The following THBS2 variants were observed in gnomAD, a reference collection of about 807,000 sequenced individuals.
THBS2 encodes the protein thrombospondin-2.
Under a neutral mutation model 135.2 loss-of-function variants are expected in THBS2, and 47 were observed. The ratio of observed to expected loss-of-function variants is 0.35; its 90% confidence interval spans 0.28 to 0.44. The LOEUF is 0.44. Among genes scored for constraint, THBS2 ranks in the 20% least tolerant of loss-of-function variants. The probability of loss-of-function intolerance (pLI) is 1.00; values close to 1 mark genes in which losing one functional copy is unlikely to be tolerated. For missense variants in THBS2, 1,288 were observed against 1,603.1 expected (o/e 0.80, Z 3.36); for synonymous variants, 639 against 633.8 (o/e 1.01, Z -0.12).
chr6:169,238,698 C>T (rs973080549), intron 7 of THBS2, among the ~76,000 whole-genome samples: 3 of 152,214 alleles, frequency 2.0e-5, no homozygotes, highest in African/African-American at 7.2e-5. Context: ...TCAGAAAAAT[C>T]CCATTTTATT....
In THBS2 at chr6:169,248,499, T is replaced by C. The variant is rs1467587353; in HGVS notation, c.527A>G (p.Asp176Gly). 1 of 1,613,876 alleles carries C rather than the reference T, an allele frequency of 6.2e-7. No individual in the cohort carries two copies. Among genetic ancestry groups the C allele is most frequent in the African/African-American group, 1.3e-5 (1 of 74,926 alleles). ...CTGCAGGTGCTCGTAGAAGGGCTCGTCCAGAGCGAAGCTGTCTATGAGGTC... is the reference window on the plus strand; with the variant it reads ...CTGCAGGTGCTCGTAGAAGGGCTCGCCCAGAGCGAAGCTGTCTATGAGGTC... ...GCDLIDSFAL[D>G]EPFYEHLQAE... The change falls in exon 3 of 22, where the codon GAC becomes GGC. Residue 176 changes from aspartate (D) to glycine (G), a missense_variant. Physicochemically the swap from Asp to Gly is moderately conservative, Grantham distance 94. Around this residue, in one of 2 missense-constraint regions of THBS2, gnomAD observed 414 missense variants for 447.0 expected, o/e 0.93. Coordinates refer to ENST00000617924, the MANE Select transcript of THBS2 (RefSeq NM_003247.5).
intron 9 of THBS2, among the ~76,000 whole-genome samples, chr6:169,235,800 ACACT>A (rs1273602322): frequency 1.2e-4 from 9 of 75,564 alleles, no homozygotes; most frequent in African/African-American, 6.8e-4. Flanking sequence ...CTCCCCATCC[ACACT>A]CACTCCATCC....
chr6:169,248,570 G>A lies in THBS2; in HGVS notation c.456C>T (p.Val152=). The change falls in exon 3 of 22, where the codon GTC becomes GTT. Residue 152 remains valine (V), a synonymous_variant. Transcript: ENST00000617924. ...VGLADSQWKN[V]TVQVAGETYS... Reference sequence around the variant, plus strand: ...AGGTCTCGCCAGCCACCTGCACGGTGACGTTCTTCCACTGCGAGTCAGCCA... The same window carrying A: ...AGGTCTCGCCAGCCACCTGCACGGTAACGTTCTTCCACTGCGAGTCAGCCA... 1 of 1,614,034 alleles carries A rather than the reference G, an allele frequency of 6.2e-7. No homozygotes were observed. Among genetic ancestry groups the A allele is most frequent in the South Asian group, 1.1e-5 (1 of 91,078 alleles).
intron 7 of THBS2, 72 bp downstream of exon 7, chr6:169,239,527 A>C: frequency 7.0e-7 from 1 of 1,433,266 alleles, no homozygotes; most frequent in Admixed American, 2.0e-5. Flanking sequence ...AAAACCAACC[A>C]ATGAATAAAT....
At chr6:169,223,787 G>A (rs1450731658) in intron 17 of THBS2, among the ~76,000 whole-genome samples, 1 of 152,188 alleles carries the variant, frequency 6.6e-6, no homozygotes, top group Non-Finnish European at 1.5e-5. Context: ...AAACCTGAAT[G>A]GCTGTCAAGT....
intron 9 of THBS2, among the ~76,000 whole-genome samples, chr6:169,236,402 T>C (rs1780073913): frequency 2.6e-5 from 2 of 75,882 alleles, no homozygotes; most frequent in Non-Finnish European, 5.0e-5. Context: ...CCACACTCAT[T>C]CCCCCATAAA....
At chr6:169,221,566 C>T (rs763628554) in intron 19 of THBS2, 39 bp from the exon 20 acceptor site, 1 of 1,594,114 alleles carries the variant, frequency 6.3e-7, no homozygotes, top group African/African-American at 1.3e-5. Context: ...CCATGGGCAC[C>T]CGGAGCCTTA....
chr6:169,241,893 A>G lies in THBS2; in HGVS notation c.760T>C (p.Tyr254His). 1 of 1,612,040 alleles carries G rather than the reference A, an allele frequency of 6.2e-7. No individual in the cohort carries two copies. The highest frequency in any genetic ancestry group is 8.5e-7 in the Non-Finnish European group (1 of 1,179,908). Residue 254 changes from tyrosine (Y) to histidine (H), a missense_variant, in exon 5 of 22, where the codon TAC becomes CAC. Physicochemically the swap from Tyr to His is moderately conservative, Grantham distance 83 (BLOSUM62 2). Coordinates refer to ENST00000617924, the MANE Select transcript of THBS2 (RefSeq NM_003247.5). The surrounding 1 kb of genome is among the most constrained non-coding windows in gnomAD (Gnocchi z 5.5). ...CTCCTCTCCGAGCTGGGGCCCACGT[A>G]CTCGGTGGTGACATGCGGACCCAGG... is the stretch of plus-strand genomic sequence containing the variant. The part of the protein sequence containing the change: ...LRLGPHVTTE[Y>H]VGPSSERRPE...
At chr6:169,248,223 C>A (rs899104294) in intron 3 of THBS2, among the ~76,000 whole-genome samples, 194 bp downstream of exon 3, 1 of 151,488 alleles carries the variant, frequency 6.6e-6, no homozygotes, top group Non-Finnish European at 1.5e-5. Context: ...CCTGTGGCTG[C>A]GTGTGGTGGG....
rs1001019241 is a variant in THBS2 at position 169,217,650 on chromosome 6, C to T, written c.*172G>A. Reference sequence around the variant, plus strand: ...TCTCTGAGTTCCATTGATATTTATCCTCTGAAGGCACTTGGGTTTGGGGTT... The same window carrying T: ...TCTCTGAGTTCCATTGATATTTATCTTCTGAAGGCACTTGGGTTTGGGGTT... On this transcript the variant is annotated 3_prime_UTR_variant, in exon 22 of 22. Coordinates refer to ENST00000617924, the MANE Select transcript of THBS2 (RefSeq NM_003247.5). 4.9e-6 allele frequency: 3 copies of T among 606,126 alleles called. No homozygotes were observed. Among genetic ancestry groups the T allele is most frequent in the Non-Finnish European group, 8.4e-6 (3 of 355,896 alleles). 37.5% of individuals were successfully genotyped at this position (606,126 alleles called of 1,614,324 possible).
chr6:169,226,183 G>T lies in THBS2; in HGVS notation c.2535C>A (p.Asp845Glu). ...CDNCPLVHNP[D>E]QTDVDNDLVG... The stretch of plus-strand genomic sequence containing the variant: ...GCCTGTCTGCGGCTGCCCTCACCTG[G>T]TCAGGGTTGTGCACCAGGGGGCAGT... Residue 845 changes from aspartate (D) to glutamate (E), a missense_variant, in exon 16 of 22, where the codon GAC becomes GAA. By Grantham distance (45) the Asp-to-Glu change is conservative. Around this residue, in one of 2 missense-constraint regions of THBS2, gnomAD observed 874 missense variants for 1,156.1 expected, o/e 0.76. Transcript: ENST00000617924. The T allele has an allele frequency of 6.2e-7, 1 of 1,612,616 alleles. No homozygotes were observed. Among genetic ancestry groups the T allele is most frequent in the Non-Finnish European group, 8.5e-7 (1 of 1,179,346 alleles).
intron 2 of THBS2, 23 bp from the exon 3 acceptor site, chr6:169,248,996 G>C: frequency 6.3e-7 from 1 of 1,575,758 alleles, no homozygotes; most frequent in African/African-American, 1.3e-5. Flanking sequence ...CCGCAGTGGA[G>C]AAGGGTGACG....
At chr6:169,250,887 C>T in intron 1 of THBS2, 81 bp from the exon 2 acceptor site, 1 of 896,570 alleles carries the variant, frequency 1.1e-6, no homozygotes, top group Non-Finnish European at 1.7e-6. Context: ...CAGTGACTCA[C>T]ATGACCATTG....
intron 21 of THBS2, among the ~76,000 whole-genome samples, chr6:169,219,334 G>GGGTGGGTA: frequency 7.4e-6 from 1 of 134,408 alleles, no homozygotes; most frequent in Non-Finnish European, 1.6e-5. Flanking sequence ...GTGGGTGTGT[G>GGGTGGGTA]GGTGGGTGGA....
intron 21 of THBS2, among the ~76,000 whole-genome samples, chr6:169,218,525 GGGTGGGTGGGTGGATGGACTAGATGGATA>G (rs1779275159): frequency 6.8e-6 from 1 of 147,738 alleles, no homozygotes; most frequent in African/African-American, 2.5e-5. Flanking sequence ...TGAGATGGAT[GGGTGGGTGGGTGGATGGACTAGATGGATA>G]GGTGGATGGG....
chr6:169,224,872 A>C (rs1055905864), intron 17 of THBS2, among the ~76,000 whole-genome samples: 1 of 152,146 alleles, frequency 6.6e-6, no homozygotes, highest in Non-Finnish European at 1.5e-5. Context: ...ACAATCTGGA[A>C]GTTATATGGA....
chr6:169,217,527 C>G lies in THBS2; in HGVS notation c.*295G>C. The G allele has an allele frequency of 2.4e-6, 1 of 412,494 alleles. No individual in the cohort carries two copies. The allele number at this position is 412,494 out of a possible 1,614,324, so 25.6% of individuals were successfully genotyped here. ...ATATGTAAACGTCATTCTTTTTAAA[C>G]AAACAAGAAAAAGCAATGTAATGGC... On this transcript the variant is annotated 3_prime_UTR_variant, in exon 22 of 22. Coordinates refer to ENST00000617924, the MANE Select transcript of THBS2 (RefSeq NM_003247.5).
Position 169,234,546 on chromosome 6 carries a change from T to A in THBS2, c.1651+188A>T, listed in dbSNP as rs1478354221. On this transcript the variant is annotated intron_variant, in intron 10 of 21. Transcript: ENST00000617924. ...ATTCCACAGGCCACGCCACCTGGCATCTTTTTTGTTTTTACATTAGAAATA... is the reference window on the plus strand; with the variant it reads ...ATTCCACAGGCCACGCCACCTGGCAACTTTTTTGTTTTTACATTAGAAATA... 10 of 621,220 alleles carry A rather than the reference T, an allele frequency of 1.6e-5. No homozygotes were observed. The Admixed American group carries it at 1.9e-4, about 12-fold the overall frequency. The allele number at this position is 621,220 out of a possible 1,614,324, so 38.5% of individuals were successfully genotyped here.
Position 169,220,286 on chromosome 6 carries a change from A to T in THBS2, c.3423T>A (p.Tyr1141Ter). Reference protein sequence around the residue: ...KQVMADSGPIYDQTYAGGRLG... With the variant: ...KQVMADSGPI ...GCCGCCCGCCAGCGTAGGTTTGGTC[A>T]TAGATAGGTCCTGAGTCTGCCATGA... is the stretch of plus-strand genomic sequence containing the variant. The change falls in exon 21 of 22, where the codon TAT becomes TAA. Residue 1141 changes from tyrosine to a stop codon, truncating the protein, a stop_gained. Transcript: ENST00000617924. LOFTEE classifies it high-confidence loss of function. 1 of 1,613,982 alleles carries T rather than the reference A, an allele frequency of 6.2e-7. No individual in the cohort carries two copies. Among genetic ancestry groups the T allele is most frequent in the Non-Finnish European group, 8.5e-7 (1 of 1,179,938 alleles).
Sources: allele counts gnomAD v4.1 joint callset (sites outside exome capture counted in the v4.1 genomes callset), GRCh38; gene constraint gnomAD v4.1.1; regional missense constraint gnomAD v4.1.1; non-coding constraint Gnocchi (gnomAD v3.1); transcripts MANE v1.5; gene names NCBI Gene and HGNC (gene_info 2026-07-23, HGNC 2026-07-21).